LRFN5: variants seen among roughly 807,000 people sequenced by gnomAD.
The protein encoded by LRFN5 is leucine-rich repeat and fibronectin type-III domain-containing protein 5.
Under a neutral mutation model 45.6 loss-of-function variants are expected in LRFN5, and 24 were observed. That is an observed-to-expected ratio of 0.53 (90% CI 0.38 to 0.74). The LOEUF (loss-of-function observed/expected upper bound fraction) is 0.74, where lower values mean the gene tolerates loss of function less well. Among genes scored for constraint, LRFN5 ranks in the 30% least tolerant of loss-of-function variants. The pLI, the probability that LRFN5 is intolerant of heterozygous loss-of-function variation, is 0.00. For synonymous variants in LRFN5, 340 were observed against 313.8 expected (o/e 1.08, Z -0.88); for missense variants, 776 against 861.5 (o/e 0.90, Z 1.24).
At chr14:41,786,933 T>G (rs1886743590) in intron 2 of LRFN5, among the ~76,000 whole-genome samples, 1 of 152,094 alleles carries the variant, frequency 6.6e-6, no homozygotes, top group Non-Finnish European at 1.5e-5. Context: ...CCATCTTGTG[T>G]GTTTTTCATT....
In LRFN5 at chr14:41,904,354, T is replaced by A; in HGVS notation, c.*179T>A. ...CGGCGGAACTGGCTCCATTAGACCA[T>A]GGTTCATCCTCTTTTAAAACCAAAT... is the stretch of plus-strand genomic sequence containing the variant. On this transcript the variant is annotated 3_prime_UTR_variant, in exon 6 of 6. Coordinates refer to ENST00000298119, the MANE Select transcript of LRFN5 (RefSeq NM_152447.5). 1.6e-6 allele frequency: 1 copy of A among 638,356 alleles called. No homozygotes were observed. The highest frequency in any genetic ancestry group is 2.6e-6 in the Non-Finnish European group (1 of 390,850). The allele number at this position is 638,356 out of a possible 1,614,324, so 39.5% of individuals were successfully genotyped here.
chr14:41,879,054 A>G (rs1039709829), intron 2 of LRFN5, among the ~76,000 whole-genome samples: 23 of 152,180 alleles, frequency 1.5e-4, no homozygotes, highest in Admixed American at 1.5e-3. Context: ...TAGAGGTCTC[A>G]CACAGAAAAT....
intron 1 of LRFN5, among the ~76,000 whole-genome samples, chr14:41,611,153 T>C (rs1038255444): frequency 6.6e-6 from 1 of 152,180 alleles, no homozygotes; most frequent in Admixed American, 6.5e-5. Flanking sequence ...TTAAAATGGA[T>C]GCTGAATGCT....
At chr14:41,773,061 T>A (rs1434375334) in intron 2 of LRFN5, among the ~76,000 whole-genome samples, 6 of 152,180 alleles carry the variant, frequency 3.9e-5, no homozygotes, top group Admixed American at 3.9e-4. Context: ...TGTCGTGACC[T>A]CAGTAAAGAC....
intron 1 of LRFN5, among the ~76,000 whole-genome samples, chr14:41,679,849 T>C (rs1881805259): frequency 6.6e-6 from 1 of 152,102 alleles, no homozygotes; most frequent in African/African-American, 2.4e-5. Context: ...GGATGGCATT[T>C]TTGGACCTTC....
chr14:41,737,100 C>G (rs559077565), intron 1 of LRFN5, among the ~76,000 whole-genome samples: 34 of 152,270 alleles, frequency 2.2e-4, no homozygotes, highest in Middle Eastern at 3.4e-3. Flanking sequence ...CCAAAATCCT[C>G]AATAAAATAC....
chr14:41,798,631 A>T (rs1363059403), intron 2 of LRFN5, among the ~76,000 whole-genome samples: 1 of 152,024 alleles, frequency 6.6e-6, no homozygotes. Flanking sequence ...AGTCAGAAAT[A>T]GTGTAATCTT....
Position 41,904,354 on chromosome 14 carries a change from T to C in LRFN5, c.*179T>C. 1 of 638,356 alleles carries C rather than the reference T, an allele frequency of 1.6e-6. No homozygotes were observed. The highest frequency in any genetic ancestry group is 2.6e-5 in the South Asian group (1 of 38,358). 39.5% of individuals were successfully genotyped at this position (638,356 alleles called of 1,614,324 possible). A position where few individuals can be genotyped will look rare whatever the true frequency, so the allele number is the denominator to read the frequency against. On this transcript the variant is annotated 3_prime_UTR_variant, in exon 6 of 6. Coordinates refer to ENST00000298119, the MANE Select transcript of LRFN5 (RefSeq NM_152447.5). The stretch of plus-strand genomic sequence containing the variant: ...CGGCGGAACTGGCTCCATTAGACCA[T>C]GGTTCATCCTCTTTTAAAACCAAAT...
intron 1 of LRFN5, among the ~76,000 whole-genome samples, chr14:41,660,819 C>T (rs1880615449): frequency 7.6e-6 from 1 of 131,496 alleles, no homozygotes; most frequent in Non-Finnish European, 1.6e-5. Flanking sequence ...TATATATTCT[C>T]TTTAAATATA....
At chr14:41,821,940 G>A (rs1383869312) in intron 2 of LRFN5, among the ~76,000 whole-genome samples, 1 of 151,838 alleles carries the variant, frequency 6.6e-6, no homozygotes, top group African/African-American at 2.4e-5. Flanking sequence ...TTTCTTGTTT[G>A]TGCATGTAGA....
intron 1 of LRFN5, among the ~76,000 whole-genome samples, chr14:41,621,298 G>A (rs889807312): frequency 6.6e-6 from 1 of 152,040 alleles, no homozygotes; most frequent in African/African-American, 2.4e-5. Context: ...CTGATTCAAA[G>A]CCCATAACAC....
intron 1 of LRFN5, among the ~76,000 whole-genome samples, chr14:41,736,577 T>C (rs1369483122): frequency 3.9e-5 from 6 of 152,042 alleles, no homozygotes; most frequent in African/African-American, 1.2e-4. Context: ...TTTCTTTTGT[T>C]GTGCAGAAGC....
rs1430353525 is a variant in LRFN5, at chr14:41,766,983, G to A, written c.-67G>A. 1 of 152,620 alleles carries A rather than the reference G, an allele frequency of 6.6e-6. No individual in the cohort carries two copies. Among genetic ancestry groups the A allele is most frequent in the East Asian group, 1.9e-4 (1 of 5,192 alleles). The allele number at this position is 152,620 out of a possible 1,614,324, so 9.5% of individuals were successfully genotyped here. A position where few individuals can be genotyped will look rare whatever the true frequency, so the allele number is the denominator to read the frequency against. On this transcript the variant is annotated 5_prime_UTR_variant, in exon 2 of 6. Transcript: ENST00000298119. ...GTCCGTCTTCTGCAGCAGCCAGGCAGAGTGCCGACTCCTTCACAGCCGTGA... is the reference window on the plus strand; with the variant it reads ...GTCCGTCTTCTGCAGCAGCCAGGCAAAGTGCCGACTCCTTCACAGCCGTGA...
chr14:41,845,097 G>A (rs1424743132), intron 2 of LRFN5, among the ~76,000 whole-genome samples: 1 of 151,738 alleles, frequency 6.6e-6, no homozygotes, highest in Non-Finnish European at 1.5e-5. Flanking sequence ...CTAACACTAG[G>A]CTCACTGAAG....
intron 2 of LRFN5, among the ~76,000 whole-genome samples, chr14:41,813,856 T>C (rs1887823778): frequency 6.6e-6 from 1 of 152,090 alleles, no homozygotes; most frequent in Admixed American, 6.6e-5. Flanking sequence ...CAGCGTCTGT[T>C]GCTTCCTGAC....
At chr14:41,689,754 G>A (rs1398300523) in intron 1 of LRFN5, among the ~76,000 whole-genome samples, 1 of 150,662 alleles carries the variant, frequency 6.6e-6, no homozygotes, top group African/African-American at 2.4e-5. Context: ...AATTAGCCGG[G>A]CGTGATGGCG....
intron 4 of LRFN5, chr14:41,892,263 T>A: frequency 2.0e-6 from 2 of 984,330 alleles, no homozygotes; most frequent in Non-Finnish European, 2.4e-6. Flanking sequence ...ATTCCAATGC[T>A]GTGTATAAAT....
At chr14:41,713,038 T>C (rs1314957288) in intron 1 of LRFN5, among the ~76,000 whole-genome samples, 2 of 152,046 alleles carry the variant, frequency 1.3e-5, no homozygotes, top group Non-Finnish European at 2.9e-5. Flanking sequence ...AAGAGTCTGA[T>C]TAAAAAAAGA....
chr14:41,741,108 T>C (rs906424721), intron 1 of LRFN5, among the ~76,000 whole-genome samples: 1 of 151,514 alleles, frequency 6.6e-6, no homozygotes, highest in African/African-American at 2.4e-5. Context: ...TGTTCATAGG[T>C]TGAAAAATTT....
Sources: allele counts gnomAD v4.1 joint callset (sites outside exome capture counted in the v4.1 genomes callset), GRCh38; gene constraint gnomAD v4.1.1; transcripts MANE v1.5; gene names NCBI Gene and HGNC (gene_info 2026-07-23, HGNC 2026-07-21).